PDE4D: variants seen among roughly 807,000 people sequenced by gnomAD.
The protein encoded by PDE4D is 3',5'-cyclic-AMP phosphodiesterase 4D.
A neutral mutation model predicts 87.4 loss-of-function variants in PDE4D; 24 were observed. The observed-to-expected ratio is 0.27, with a 90% CI of 0.20 to 0.39. PDE4D has a LOEUF of 0.39. PDE4D is among the 10% of genes least tolerant of loss of function. The probability of loss-of-function intolerance (pLI) is 1.00; values close to 1 mark genes in which losing one functional copy is unlikely to be tolerated. For missense variants in PDE4D, 714 were observed against 1,041.0 expected (o/e 0.69, Z 4.32); for synonymous variants, 384 against 383.2 (o/e 1.00, Z -0.02).
intron 5 of PDE4D, among the ~76,000 whole-genome samples, chr5:59,138,070 A>G (rs180993586): frequency 1.3e-5 from 2 of 152,350 alleles, no homozygotes; most frequent in East Asian, 1.9e-4. Flanking sequence ...CACTGTTAGT[A>G]TCCATGGCAA....
At chr5:59,355,828 T>A (rs1330906677) in intron 1 of PDE4D, among the ~76,000 whole-genome samples, 4 of 152,186 alleles carry the variant, frequency 2.6e-5, no homozygotes, top group Non-Finnish European at 4.4e-5. Context: ...TAAATTATTT[T>A]AATTCAAACT....
chr5:59,746,218 T>C (rs1759586421), intron 1 of PDE4D, among the ~76,000 whole-genome samples: 1 of 152,200 alleles, frequency 6.6e-6, no homozygotes, highest in Non-Finnish European at 1.5e-5. Context: ...GCCAGGGCTA[T>C]ACATCTGCAA....
chr5:59,805,163 G>C (rs1001837957), intron 1 of PDE4D, among the ~76,000 whole-genome samples: 1 of 152,170 alleles, frequency 6.6e-6, no homozygotes, highest in African/African-American at 2.4e-5. Flanking sequence ...GACCCTGTGT[G>C]TATTCCACTG....
intron 3 of PDE4D, among the ~76,000 whole-genome samples, chr5:59,979,421 G>GGTGTGT (rs60199601): frequency 1.9e-4 from 28 of 147,714 alleles, no homozygotes; most frequent in East Asian, 1.6e-3. Context: ...CACAGCAAGG[G>GGTGTGT]GTGTGTGTGT....
At chr5:60,369,891 T>A (rs146896969) in intron 1 of PDE4D, among the ~76,000 whole-genome samples, 1 of 152,232 alleles carries the variant, frequency 6.6e-6, no homozygotes, top group East Asian at 1.9e-4. Flanking sequence ...CATTCATGAG[T>A]TTTTAACCAG....
chr5:59,241,482 T>C (rs1362036452), intron 1 of PDE4D, among the ~76,000 whole-genome samples: 1 of 152,220 alleles, frequency 6.6e-6, no homozygotes, highest in Non-Finnish European at 1.5e-5. Flanking sequence ...TACAAAGTTC[T>C]AGGTGTAAGA....
intron 1 of PDE4D, among the ~76,000 whole-genome samples, chr5:59,309,540 G>A (rs1772147947): frequency 6.6e-6 from 1 of 152,148 alleles, no homozygotes; most frequent in Non-Finnish European, 1.5e-5. Flanking sequence ...TTCTCCAGTG[G>A]GGGTGTGTGT....
chr5:59,127,858 C>T (rs1286935544), intron 5 of PDE4D, among the ~76,000 whole-genome samples: 2 of 151,988 alleles, frequency 1.3e-5, no homozygotes, highest in Non-Finnish European at 2.9e-5. Context: ...ACTCCCCGTT[C>T]CTAATCAGCG....
chr5:60,426,395 C>T (rs1450860210), intron 1 of PDE4D, among the ~76,000 whole-genome samples: 1 of 152,084 alleles, frequency 6.6e-6, no homozygotes, highest in Non-Finnish European at 1.5e-5. Context: ...ATGGATGAAG[C>T]TGGAAACCAT....
intron 2 of PDE4D, among the ~76,000 whole-genome samples, chr5:60,091,727 C>T (rs879382896): frequency 1.3e-5 from 2 of 152,112 alleles, no homozygotes; most frequent in Admixed American, 1.3e-4. Context: ...GATATGGAAG[C>T]AACCTATATA....
chr5:59,488,217 T>C (rs1350867462), intron 1 of PDE4D, among the ~76,000 whole-genome samples: 1 of 146,930 alleles, frequency 6.8e-6, no homozygotes, highest in South Asian at 2.2e-4. Context: ...ATGTAAAATA[T>C]AATGAATTTT....
At chr5:60,473,596 A>C (rs1331966146) in intron 1 of PDE4D, among the ~76,000 whole-genome samples, 1 of 152,100 alleles carries the variant, frequency 6.6e-6, no homozygotes, top group South Asian at 2.1e-4. Flanking sequence ...TATTTCAAAA[A>C]GTTTTTTTAA....
intron 1 of PDE4D, among the ~76,000 whole-genome samples, chr5:59,803,789 A>G (rs1466929784): frequency 6.6e-6 from 1 of 152,212 alleles, no homozygotes; most frequent in East Asian, 1.9e-4. Flanking sequence ...CAACACAGAC[A>G]AGGTCACGTG....
intron 3 of PDE4D, among the ~76,000 whole-genome samples, chr5:59,946,340 C>G (rs1757721249): frequency 6.6e-6 from 1 of 152,182 alleles, no homozygotes; most frequent in Non-Finnish European, 1.5e-5. Flanking sequence ...AATTAAAACT[C>G]AGACCCCAAA....
intron 1 of PDE4D, among the ~76,000 whole-genome samples, chr5:59,358,622 A>T (rs1240724193): frequency 6.6e-6 from 1 of 152,088 alleles, no homozygotes; most frequent in African/African-American, 2.4e-5. Flanking sequence ...CTTGGTGCTT[A>T]TTAGAATGTC....
chr5:59,456,529 C>T (rs745496887), intron 1 of PDE4D, among the ~76,000 whole-genome samples: 3 of 152,138 alleles, frequency 2.0e-5, no homozygotes, highest in Non-Finnish European at 4.4e-5. Context: ...TAATACAATA[C>T]ACAAGATTCA....
chr5:59,905,531 C>T (rs76046367), intron 3 of PDE4D, among the ~76,000 whole-genome samples: 2 of 152,016 alleles, frequency 1.3e-5, no homozygotes, highest in Non-Finnish European at 2.9e-5. Context: ...AGCCAGAACG[C>T]CCTGAGTTTC....
At chr5:59,128,053 T>TGTCC (rs1561533434) in intron 5 of PDE4D, among the ~76,000 whole-genome samples, 2 of 149,868 alleles carry the variant, frequency 1.3e-5, no homozygotes, top group Admixed American at 6.7e-5. Flanking sequence ...TGTGTGTGTG[T>TGTCC]CCCTCAACCA....
At chr5:59,497,020 A>T (rs1211390274) in intron 1 of PDE4D, among the ~76,000 whole-genome samples, 1 of 152,062 alleles carries the variant, frequency 6.6e-6, no homozygotes, top group African/African-American at 2.4e-5. Flanking sequence ...TTACATCACT[A>T]CAAGAAGCAA....
Sources: allele counts gnomAD v4.1 joint callset (sites outside exome capture counted in the v4.1 genomes callset), GRCh38; gene constraint gnomAD v4.1.1; transcripts MANE v1.5; gene names NCBI Gene and HGNC (gene_info 2026-07-23, HGNC 2026-07-21).